MYCBP2: variants seen among roughly 807,000 people sequenced by gnomAD.
MYCBP2 encodes the protein MYC binding protein 2.
MYCBP2 carries 120 observed loss-of-function variants against 525.3 expected under a neutral mutation model. That is an observed-to-expected ratio of 0.23 (90% confidence interval 0.20 to 0.27). The LOEUF (loss-of-function observed/expected upper bound fraction) is 0.27. Ranked by LOEUF, MYCBP2 falls within the 10% of genes least tolerant of loss-of-function variation. MYCBP2 has a pLI of 1.00. For missense variants in MYCBP2, 4,149 were observed against 5,657.1 expected, an observed-to-expected ratio of 0.73 and a Z score of 8.55; for synonymous variants, 1,894 against 1,955.8, an observed-to-expected ratio of 0.97 and a Z score of 0.83.
At chr13:77,239,890 T>A (rs1016386591) in intron 17 of MYCBP2, among the ~76,000 whole-genome samples, 32 of 152,342 alleles carry the variant, frequency 2.1e-4, no homozygotes, top group African/African-American at 6.3e-4. Context: ...AGTATTTTTT[T>A]AAAATGGCTT....
intron 52 of MYCBP2, among the ~76,000 whole-genome samples, chr13:77,135,645 C>T (rs1180730672): frequency 6.6e-6 from 1 of 152,076 alleles, no homozygotes; most frequent in East Asian, 1.9e-4. Flanking sequence ...ATTAATTTTG[C>T]CATACTGTAC....
chr13:77,325,744 GATGGGAC>G (rs1485468265), intron 1 of MYCBP2, among the ~76,000 whole-genome samples: 1 of 152,200 alleles, frequency 6.6e-6, no homozygotes, highest in Non-Finnish European at 1.5e-5. Context: ...AGAAATGGCC[GATGGGAC>G]ATCAGATCAC....
intron 52 of MYCBP2, among the ~76,000 whole-genome samples, chr13:77,130,871 G>C (rs1346394737): frequency 6.6e-6 from 1 of 152,110 alleles, no homozygotes; most frequent in Non-Finnish European, 1.5e-5. Context: ...TGCAGGTAAA[G>C]TTAGTGATAA....
intron 68 of MYCBP2, among the ~76,000 whole-genome samples, chr13:77,071,237 G>GTATA (rs10681121): frequency 0.21 from 31,539 of 149,840 alleles, 4,246 homozygotes; most frequent in African/African-American, 0.35. Context: ...ATATGTGTGT[G>GTATA]TATATATATA....
Position 77,212,044 on chromosome 13 carries a change from C to T in MYCBP2, c.3174G>A (p.Gly1058=). The part of the protein sequence containing the change: ...GRKATWIGAS[G]DQTFLRIDEA... ...CATCAATTCGTAAAAAAGTTTGGTC[C>T]CCACTTGCACCTATCCAAGTAGCTT... Residue 1058 remains glycine (G), a synonymous_variant, in exon 22 of 83, where the codon GGG becomes GGA. Transcript: ENST00000544440. 1 of 1,613,964 alleles carries T rather than the reference C, an allele frequency of 6.2e-7. No individual in the cohort carries two copies. Among genetic ancestry groups the T allele is most frequent in the Non-Finnish European group, 8.5e-7 (1 of 1,179,958 alleles).
At chr13:77,176,837 T>C (rs2059753728) in intron 35 of MYCBP2, among the ~76,000 whole-genome samples, 1 of 152,178 alleles carries the variant, frequency 6.6e-6, no homozygotes. Context: ...ATAAATAAGC[T>C]TTTCTCATCT....
At chr13:77,323,103 A>T (rs545244971) in intron 1 of MYCBP2, among the ~76,000 whole-genome samples, 1 of 152,246 alleles carries the variant, frequency 6.6e-6, no homozygotes, top group Non-Finnish European at 1.5e-5. Flanking sequence ...TGATTCATTT[A>T]ATCTACAAAA....
At chr13:77,071,308 C>CACACAA (rs1353650851) in intron 68 of MYCBP2, among the ~76,000 whole-genome samples, 1 of 147,848 alleles carries the variant, frequency 6.8e-6, no homozygotes, top group Admixed American at 6.7e-5. Flanking sequence ...CACACACACA[C>CACACAA]AAATCTTATC....
intron 18 of MYCBP2, 134 bp downstream of exon 18, chr13:77,233,022 C>T: frequency 1.6e-6 from 1 of 635,580 alleles, no homozygotes. Context: ...TCAGAATGTT[C>T]TTTCTCCTCA....
chr13:77,188,001 G>A (rs186204935), intron 30 of MYCBP2, among the ~76,000 whole-genome samples: 83 of 151,078 alleles, frequency 5.5e-4, no homozygotes, highest in African/African-American at 1.7e-3. Flanking sequence ...AACTCAGGAC[G>A]CGGAGGTTGC....
chr13:77,311,539 C>T (rs1370432152), intron 1 of MYCBP2, among the ~76,000 whole-genome samples: 2 of 148,762 alleles, frequency 1.3e-5, no homozygotes, highest in African/African-American at 4.9e-5. Context: ...AAGAGGTTCT[C>T]GGCAGGGAAA....
intron 21 of MYCBP2, among the ~76,000 whole-genome samples, chr13:77,216,602 G>T (rs2064856969): frequency 1.3e-5 from 2 of 152,144 alleles, no homozygotes; most frequent in Admixed American, 1.3e-4. Context: ...AGAGTATCTT[G>T]GCCTGGGTGC....
At chr13:77,082,961 C>A in intron 63 of MYCBP2, 71 bp downstream of exon 63, 2 of 1,410,700 alleles carry the variant, frequency 1.4e-6, no homozygotes, top group Admixed American at 2.3e-5. Flanking sequence ...TTTTTTGGAG[C>A]ATTTCATACT....
chr13:77,277,994 C>T (rs1280237766), intron 4 of MYCBP2, among the ~76,000 whole-genome samples: 2 of 152,166 alleles, frequency 1.3e-5, no homozygotes, highest in Non-Finnish European at 2.9e-5. Context: ...CATGTTGAGT[C>T]TGGGTCACTG....
chr13:77,114,674 A>G (rs1329817612), intron 55 of MYCBP2, among the ~76,000 whole-genome samples: 1 of 152,094 alleles, frequency 6.6e-6, no homozygotes, highest in Non-Finnish European at 1.5e-5. Flanking sequence ...TCTGTGCTTG[A>G]AAGTACTGTC....
chr13:77,291,596 C>T (rs542001065), intron 2 of MYCBP2, among the ~76,000 whole-genome samples: 2 of 152,206 alleles, frequency 1.3e-5, no homozygotes, highest in East Asian at 1.9e-4. Context: ...GGAGAAACCC[C>T]GTCTCTACTA....
chr13:77,208,194 C>G (rs140494245), intron 23 of MYCBP2, among the ~76,000 whole-genome samples: 148 of 152,220 alleles, frequency 9.7e-4, no homozygotes, highest in Non-Finnish European at 1.8e-3. Flanking sequence ...GGCCTCAAAC[C>G]TCTTCAGAAA....
chr13:77,293,895 AT>A (rs2077751062), intron 2 of MYCBP2, among the ~76,000 whole-genome samples: 1 of 151,958 alleles, frequency 6.6e-6, no homozygotes, highest in Admixed American at 6.6e-5. Context: ...AGTGAGATCC[AT>A]TTTGGACTTC....
chr13:77,090,068 T>A, intron 60 of MYCBP2, 38 bp downstream of exon 60: 1 of 1,549,020 alleles, frequency 6.5e-7, no homozygotes, highest in Admixed American at 1.9e-5. Flanking sequence ...TTTGTAGTAG[T>A]CAGATCACTC....
Sources: gnomAD v4.1 joint callset for allele counts (sites outside exome capture counted in the v4.1 genomes callset) on GRCh38, gnomAD v4.1.1 for gene constraint, MANE v1.5 for transcripts, NCBI Gene and HGNC (gene_info 2026-07-23, HGNC 2026-07-21) for gene names.